TUBB8: variants seen among roughly 807,000 people sequenced by gnomAD.
The protein encoded by TUBB8 is tubulin beta-8 chain.
Under a neutral mutation model 33.7 loss-of-function variants are expected in TUBB8, and 25 were observed. The observed-to-expected ratio is 0.74, with a 90% CI of 0.54 to 1.04. The LOEUF (loss-of-function observed/expected upper bound fraction) is 1.04, where lower values mean the gene tolerates loss of function less well. Among genes scored for constraint, TUBB8 ranks in the 50% least tolerant of loss-of-function variants. The pLI is 0.00. For synonymous variants in TUBB8, 245 were observed against 240.1 expected, an observed-to-expected ratio of 1.02 and a Z score of -0.19; for missense variants, 279 against 608.0, an observed-to-expected ratio of 0.46 and a Z score of 5.69.
At chr10:55,801 T>C (rs1231239069) in intron 1 of TUBB8, among the ~76,000 whole-genome samples, 2 of 152,266 alleles carry the variant, frequency 1.3e-5, no homozygotes, top group East Asian at 1.9e-4. Context: ...TTAGTTTAGC[T>C]GTATGAGTTT....
In TUBB8 at chr10:47,062, C is replaced by T. The variant is rs782072300; in HGVS notation, c.1330G>A (p.Ala444Thr). The change falls in exon 4 of 4, where the codon GCC becomes ACC. Residue 444 changes from alanine to threonine, a missense_variant. Ala to Thr is a moderately conservative substitution (Grantham distance 58). Coordinates refer to ENST00000568584, the MANE Select transcript of TUBB8 (RefSeq NM_177987.3). Reference sequence around the variant, plus strand: ...TTACCTAGAAAAGGAGAGTTCTAGGCCACCTCCTCCTCGGCATACTCCTCA... The same window carrying T: ...TTACCTAGAAAAGGAGAGTTCTAGGTCACCTCCTCCTCGGCATACTCCTCA... ...EDEEYAEEEV[A>T] is the part of the protein sequence containing the mutation. 1.8e-6 allele frequency: 2 copies of T among 1,094,402 alleles called. No homozygotes were observed. Among genetic ancestry groups the T allele is most frequent in the East Asian group, 4.8e-5 (2 of 41,580 alleles). 67.8% of individuals were successfully genotyped at this position (1,094,402 alleles called of 1,614,324 possible). A position where few individuals can be genotyped will look rare whatever the true frequency, so the allele number is the denominator to read the frequency against.
rs1439760185 is a variant in TUBB8, at chr10:60,783, T to G, written c.-845-10550A>C. ...TGTAAAGACATATGCACACGTATGT[T>G]TATTGCGGCACTATTCACAATAGCA... On this transcript the variant is annotated intron_variant, in intron 1 of 3. Coordinates refer to the TUBB8 transcript ENST00000564130. Among the ~76,000 whole-genome samples the G allele has an allele frequency of 2.0e-5, 3 of 152,220 alleles. No homozygotes were observed. The South Asian group carries it at 6.2e-4, about 32-fold the overall frequency.
At chr10:74,730 A>T (rs1304775135), upstream of TUBB8, among the ~76,000 whole-genome samples, 5 of 151,428 alleles carry the variant, frequency 3.3e-5, no homozygotes, top group African/African-American at 1.2e-4. Context: ...GAAGGAAGTT[A>T]AGAAGAGACT....
At chr10:76,476 C>T (rs530652980), upstream of TUBB8, among the ~76,000 whole-genome samples, 6 of 152,310 alleles carry the variant, frequency 3.9e-5, no homozygotes, top group East Asian at 9.7e-4. Context: ...ACTTTCTCCC[C>T]GGCGGCCCCA....
intron 1 of TUBB8, among the ~76,000 whole-genome samples, chr10:55,987 T>C (rs1208236813): frequency 1.3e-5 from 2 of 152,260 alleles, no homozygotes; most frequent in Admixed American, 6.5e-5. Flanking sequence ...TGGTTCCATA[T>C]ATATTTCAGA....
At position 48,801 on chromosome 10, in the gene TUBB8, C is replaced by T; in HGVS notation, c.166+3G>A. ...GGCGGTGGGGGAAGGACGGGGGTCT[C>T]ACCGCTGGCCTCGTTGTAGTACACG... is the stretch of plus-strand genomic sequence containing the variant. On this transcript the variant is annotated splice_donor_region_variant and intron_variant, in intron 2 of 3. Coordinates refer to ENST00000568584, the MANE Select transcript of TUBB8 (RefSeq NM_177987.3). The T allele has an allele frequency of 6.2e-7, 1 of 1,611,778 alleles. No homozygotes were observed. Among genetic ancestry groups the T allele is most frequent in the African/African-American group, 1.3e-5 (1 of 74,998 alleles).
intron 1 of TUBB8, among the ~76,000 whole-genome samples, chr10:67,980 G>A (rs1226898418): frequency 0.14 from 16,559 of 114,996 alleles, no homozygotes; most frequent in African/African-American, 0.28. Context: ...TATGGTGCCC[G>A]GCTTTCATTC....
chr10:50,892 C>T (rs1306212586), upstream of TUBB8, among the ~76,000 whole-genome samples: 1 of 152,180 alleles, frequency 6.6e-6, no homozygotes, highest in Non-Finnish European at 1.5e-5. Flanking sequence ...CATCTGTTAA[C>T]CACTCTTCCT....
At chr10:73,162 G>A (rs1188665705) in intron 1 of TUBB8, among the ~76,000 whole-genome samples, 1 of 152,208 alleles carries the variant, frequency 6.6e-6, no homozygotes, top group African/African-American at 2.4e-5. Context: ...AACTGTTGTT[G>A]ACGAGTTCAC....
At chr10:56,135 T>A (rs1344288850) in intron 1 of TUBB8, among the ~76,000 whole-genome samples, 1 of 152,242 alleles carries the variant, frequency 6.6e-6, no homozygotes, top group Non-Finnish European at 1.5e-5. Context: ...TAACTTTCCA[T>A]TTTTTTGTCT....
exon 1 of TUBB8, chr10:74,024 C>A: frequency 6.4e-6 from 1 of 155,988 alleles, no homozygotes. Flanking sequence ...ACAGCGGACG[C>A]GGCCCCAGGT....
chr10:62,660 C>T (rs1366119307), intron 1 of TUBB8, among the ~76,000 whole-genome samples: 316 of 151,998 alleles, frequency 2.1e-3, no homozygotes, highest in African/African-American at 7.2e-3. Flanking sequence ...TTTAGCATTT[C>T]TTGTAGGACA....
At chr10:69,739 A>T (rs1834713164) in intron 1 of TUBB8, among the ~76,000 whole-genome samples, 1 of 152,222 alleles carries the variant, frequency 6.6e-6, no homozygotes, top group African/African-American at 2.4e-5. Context: ...TACAAAAAAA[A>T]TACAAAAATT....
At chr10:74,751 T>G (rs1419640178), upstream of TUBB8, among the ~76,000 whole-genome samples, 1 of 148,940 alleles carries the variant, frequency 6.7e-6, no homozygotes, top group Non-Finnish European at 1.5e-5. Flanking sequence ...CCAGGCTAGG[T>G]GCAGTGGCTC....
chr10:76,033 G>A (rs1487517199), upstream of TUBB8, among the ~76,000 whole-genome samples: 2 of 151,724 alleles, frequency 1.3e-5, no homozygotes, highest in Non-Finnish European at 2.9e-5. Flanking sequence ...CAGCTACTCG[G>A]GAGGCTGAGG....
At position 58,676 on chromosome 10, in the gene TUBB8, C is replaced by G. The variant is rs539406791; in HGVS notation, c.-845-8443G>C. Among the ~76,000 whole-genome samples, 336 of 152,288 alleles carry G rather than the reference C, an allele frequency of 2.2e-3. 2 individuals carry two copies. The highest frequency in any genetic ancestry group is 7.8e-3 in the African/African-American group (324 of 41,556). On this transcript the variant is annotated intron_variant, in intron 1 of 3. Transcript: ENST00000564130. ...TAACCAGGTCTTATGGGAACTCACT[C>G]ACTATCATGAAGATAGTACCAAGTG... is the stretch of plus-strand genomic sequence containing the variant.
chr10:59,425 G>C (rs1300504559), intron 1 of TUBB8, among the ~76,000 whole-genome samples: 3 of 152,202 alleles, frequency 2.0e-5, no homozygotes, highest in African/African-American at 7.2e-5. Flanking sequence ...CTGAACTCAG[G>C]TGATCCACCT....
At chr10:68,651 A>C (rs1310017671) in intron 1 of TUBB8, among the ~76,000 whole-genome samples, 1 of 152,362 alleles carries the variant, frequency 6.6e-6, no homozygotes, top group Middle Eastern at 3.4e-3. Flanking sequence ...ATAGCAGTGT[A>C]AAGTGTAACT....
intron 1 of TUBB8, among the ~76,000 whole-genome samples, chr10:70,173 T>C (rs1834718250): frequency 6.6e-6 from 1 of 152,210 alleles, no homozygotes; most frequent in South Asian, 2.1e-4. Context: ...TAATTAAAGC[T>C]TGTCATTGGG....
Sources: allele counts gnomAD v4.1 joint callset (sites outside exome capture counted in the v4.1 genomes callset), GRCh38; gene constraint gnomAD v4.1.1; transcripts MANE v1.5; gene names NCBI Gene and HGNC (gene_info 2026-07-23, HGNC 2026-07-21).